Variants in LRRC36 observed in about 807,000 individuals in gnomAD.
LRRC36 encodes leucine rich repeat containing 36.
LRRC36 carries 62 observed loss-of-function variants against 81.1 expected under a neutral mutation model. That is an observed-to-expected ratio of 0.76 (90% CI 0.62 to 0.94). The LOEUF (loss-of-function observed/expected upper bound fraction) is 0.94. Among genes scored for constraint, LRRC36 ranks in the 40% least tolerant of loss-of-function variants. The pLI is 0.00. For synonymous variants in LRRC36, 334 were observed against 348.6 expected, an observed-to-expected ratio of 0.96 and a Z score of 0.47; for missense variants, 761 against 881.7, an observed-to-expected ratio of 0.86 and a Z score of 1.73.
Position 67,375,395 on chromosome 16 carries a change from T to G in LRRC36, c.1643T>G (p.Leu548Arg). 1.3e-6 allele frequency: 2 copies of G among 1,584,306 alleles called. No individual in the cohort carries two copies. Among genetic ancestry groups the G allele is most frequent in the Non-Finnish European group, 1.7e-6 (2 of 1,171,514 alleles). Residue 548 changes from leucine to arginine, a missense_variant, in exon 10 of 14, where the codon CTC (leucine) becomes CGC (arginine). Coordinates refer to ENST00000329956, the MANE Select transcript of LRRC36 (RefSeq NM_018296.6). ...TGGAATGGCTCCGGCTCCCTCCTCC[T>G]CAACAAGAAGTTTCTCGGTGAGTGA... ...KHWNGSGSLLLNKKFLGPARD... is the reference protein window; with the variant it reads ...KHWNGSGSLLRNKKFLGPARD...
intron 5 of LRRC36, among the ~76,000 whole-genome samples, chr16:67,354,157 A>C (rs148867225): frequency 5.3e-5 from 8 of 151,952 alleles, no homozygotes; most frequent in African/African-American, 1.7e-4. Context: ...TCCTCCCCCA[A>C]ATAGTCCTTC....
intron 1 of LRRC36, 140 bp downstream of exon 1, chr16:67,327,072 G>GA: frequency 1.4e-6 from 1 of 712,232 alleles, no homozygotes; most frequent in Non-Finnish European, 2.1e-6. Flanking sequence ...GGGGCGGGGG[G>GA]ATAACTTGAG....
chr16:67,362,225 C>A (rs552029073), intron 5 of LRRC36: 3 of 451,282 alleles, frequency 6.6e-6, no homozygotes, highest in African/African-American at 6.0e-5. Context: ...TGCTGTGGCG[C>A]GATCTCGGCT....
At position 67,363,754 on chromosome 16, in the gene LRRC36, A is replaced by G. The variant is rs9921946; in HGVS notation, c.702+40A>G. 25,805 of 1,602,854 alleles carry G rather than the reference A, an allele frequency of 0.016. 3,363 individuals carry two copies. The African/African-American group carries it at 0.3, about 18-fold the overall frequency. On this transcript the variant is annotated intron_variant, in intron 6 of 13. Coordinates refer to ENST00000329956, the MANE Select transcript of LRRC36 (RefSeq NM_018296.6). ...CTCCTGCTGATCTGTTGACTAGTCAATGATTAATACTGATAATTCAGTGGG... is the reference window on the plus strand; with the variant it reads ...CTCCTGCTGATCTGTTGACTAGTCAGTGATTAATACTGATAATTCAGTGGG...
At chr16:67,357,454 C>G (rs983320528) in intron 5 of LRRC36, among the ~76,000 whole-genome samples, 14 of 152,126 alleles carry the variant, frequency 9.2e-5, no homozygotes, top group Non-Finnish European at 1.8e-4. Context: ...TATTTCTGCT[C>G]TTATATTTTT....
intron 1 of LRRC36, among the ~76,000 whole-genome samples, chr16:67,336,074 A>G (rs1284512788): frequency 6.6e-6 from 1 of 152,164 alleles, no homozygotes; most frequent in East Asian, 1.9e-4. Context: ...AGAATGTCAT[A>G]TAGTTGGAAT....
rs141064165 is a variant in LRRC36 at position 67,340,054 on chromosome 16, A to G, written c.71-1903A>G. On this transcript the variant is annotated intron_variant, in intron 1 of 13. Coordinates refer to ENST00000329956, the MANE Select transcript of LRRC36 (RefSeq NM_018296.6). ...CTACTTGGGAGGCTGAGGCAGGAGA[A>G]TCACTTGAACCCAGGAGATGGAGGT... Among the ~76,000 whole-genome samples the G allele has an allele frequency of 3.1e-3, 476 of 151,952 alleles. 7 individuals carry two copies. Among genetic ancestry groups the G allele is most frequent in the African/African-American group, 0.011 (447 of 41,440 alleles).
chr16:67,365,372 C>G lies in LRRC36; in HGVS notation c.754+17C>G, dbSNP rs553319603. ...AGGAAGATGGTAAATATTTTGCTCA[C>G]TGAGTATTTTTCCCCCACACTAATC... On this transcript the variant is annotated intron_variant, in intron 7 of 13. Coordinates refer to ENST00000329956, the MANE Select transcript of LRRC36 (RefSeq NM_018296.6). 1.9e-6 allele frequency: 3 copies of G among 1,610,394 alleles called. No homozygotes were observed. Among genetic ancestry groups the G allele is most frequent in the Non-Finnish European group, 2.5e-6 (3 of 1,177,112 alleles).
rs2040242748 is a variant in LRRC36 at position 67,384,971 on chromosome 16, T to C, written c.2147T>C (p.Leu716Pro). 7.4e-6 allele frequency: 12 copies of C among 1,614,228 alleles called. No individual in the cohort carries two copies. Among genetic ancestry groups the C allele is most frequent in the Non-Finnish European group, 1.0e-5 (12 of 1,180,036 alleles). Residue 716 changes from leucine to proline, a missense_variant, in exon 14 of 14, where the codon CTG becomes CCG. Transcript: ENST00000329956. ...ALLPPEKGHH[L>P]GRSSPFGKST... is the part of the protein sequence containing the mutation. The stretch of plus-strand genomic sequence containing the variant: ...CTGCCTCCTGAGAAGGGTCATCATC[T>C]GGGGAGATCATCGCCCTTTGGGAAA...
rs762633681 is a variant in LRRC36, at chr16:67,367,418, C to A, written c.1156C>A (p.Pro386Thr). The A allele has an allele frequency of 3.1e-6, 5 of 1,613,662 alleles. No individual in the cohort carries two copies. The African/African-American group carries it at 6.7e-5, about 22-fold the overall frequency. The change falls in exon 8 of 14, where the codon CCT (proline) becomes ACT (threonine). Residue 386 changes from proline to threonine, a missense_variant. Transcript: ENST00000329956. Reference protein sequence around the residue: ...CGDLLTSLSNPDSSTGRLLKL... With the variant: ...CGDLLTSLSNTDSSTGRLLKL... ...AGACTTATTAACTTCTCTGTCAAAC[C>A]CTGACTCCAGCACTGGAAGGCTTTT...
intron 10 of LRRC36, 141 bp from the exon 11 acceptor site, chr16:67,376,586 C>A: frequency 3.7e-6 from 3 of 806,418 alleles, no homozygotes; most frequent in Non-Finnish European, 5.8e-6. Flanking sequence ...AAAAACACCT[C>A]TTTCTGCCAC....
rs1343596704 is a variant in LRRC36 at position 67,384,952 on chromosome 16, C to T, written c.2128C>T (p.Pro710Ser). 1 of 1,614,130 alleles carries T rather than the reference C, an allele frequency of 6.2e-7. No homozygotes were observed. The highest frequency in any genetic ancestry group is 1.7e-5 in the Admixed American group (1 of 60,006). ...TTATTCCGGGAAAGCGCTCCTGCCT[C>T]CTGAGAAGGGTCATCATCTGGGGAG... ...KGYSGKALLP[P>S]EKGHHLGRSS... The change falls in exon 14 of 14, where the codon CCT (proline) becomes TCT (serine). Residue 710 changes from proline to serine, a missense_variant. Physicochemically the swap from Pro to Ser is moderately conservative, Grantham distance 74 (BLOSUM62 -1). This residue lies in a region of LRRC36 where 359 missense variants were observed against 388.4 expected (regional missense o/e 0.92). Transcript: ENST00000329956.
rs911354787 is a variant in LRRC36, at chr16:67,373,188, C to CA, written c.1494+1955dup. ...GGCAACATAGGAGACCCTCTCTCTA[C>CA]AAAAAAAAATAAATAAACAAACAAA... On this transcript the variant is annotated intron_variant, in intron 9 of 13. Coordinates refer to ENST00000329956, the MANE Select transcript of LRRC36 (RefSeq NM_018296.6). Among the ~76,000 whole-genome samples the CA allele has an allele frequency of 1.3e-4, 20 of 149,228 alleles. No individual in the cohort carries two copies. In the South Asian group the frequency reaches 1.9e-3, roughly 14 times the overall value.
At chr16:67,328,443 G>T (rs1375235233) in intron 1 of LRRC36, among the ~76,000 whole-genome samples, 8 of 152,208 alleles carry the variant, frequency 5.3e-5, no homozygotes, top group Non-Finnish European at 8.8e-5. Context: ...AACCCAGGAG[G>T]CGGAGCTTGC....
intron 1 of LRRC36, among the ~76,000 whole-genome samples, chr16:67,332,293 C>T (rs558965152): frequency 2.0e-5 from 3 of 152,310 alleles, no homozygotes; most frequent in African/African-American, 4.8e-5. Context: ...GTGGCTTACG[C>T]CTGTAATCCC....
Position 67,350,305 on chromosome 16 carries a change from T to A in LRRC36, c.577+15T>A. The A allele has an allele frequency of 6.3e-7, 1 of 1,590,002 alleles. No homozygotes were observed. Among genetic ancestry groups the A allele is most frequent in the Non-Finnish European group, 8.6e-7 (1 of 1,162,180 alleles). On this transcript the variant is annotated intron_variant, in intron 5 of 13. Transcript: ENST00000329956. ...GATTGAAATGGGTAAGTTTTCTCCC[T>A]GTGATTATAAAATGATTAAAACATC...
intron 12 of LRRC36, 51 bp from the exon 13 acceptor site, chr16:67,382,082 A>G: frequency 8.0e-7 from 1 of 1,257,852 alleles, no homozygotes; most frequent in South Asian, 1.2e-5. Context: ...TTCTGCTCAA[A>G]GACTAGCAGC....
At position 67,367,221 on chromosome 16, in the gene LRRC36, A is replaced by G; in HGVS notation, c.959A>G (p.His320Arg). Residue 320 changes from histidine to arginine, a missense_variant, in exon 8 of 14, where the codon CAT becomes CGT. Coordinates refer to ENST00000329956, the MANE Select transcript of LRRC36 (RefSeq NM_018296.6). ...GATGTGGGTGATTCTAGCCAGATCC[A>G]TCCCTATCAGTTACCTTCAGATGTT... ...CLDVGDSSQI[H>R]PYQLPSDVGL... The G allele has an allele frequency of 1.2e-6, 2 of 1,614,238 alleles. No individual in the cohort carries two copies. Among genetic ancestry groups the G allele is most frequent in the Non-Finnish European group, 8.5e-7 (1 of 1,180,032 alleles).
chr16:67,372,755 TTTTG>T (rs978534862), intron 9 of LRRC36, among the ~76,000 whole-genome samples: 163 of 152,330 alleles, frequency 1.1e-3, no homozygotes, highest in Non-Finnish European at 3.2e-4. Flanking sequence ...TTTACAGGGT[TTTTG>T]TTTGTTTGTT....
Sources: allele counts gnomAD v4.1 joint callset (sites outside exome capture counted in the v4.1 genomes callset), GRCh38; gene constraint gnomAD v4.1.1; regional missense constraint gnomAD v4.1.1; transcripts MANE v1.5; gene names NCBI Gene and HGNC (gene_info 2026-07-23, HGNC 2026-07-21).